HTR1F: variants seen among roughly 807,000 people sequenced by gnomAD.
The protein encoded by HTR1F is 5-hydroxytryptamine receptor 1F.
In HTR1F, 17 loss-of-function variants were observed where a neutral mutation model predicts 24.0. The ratio of observed to expected loss-of-function variants is 0.71; its 90% CI spans 0.48 to 1.06. HTR1F has a LOEUF of 1.06. HTR1F is among the 50% of genes least tolerant of loss of function. The pLI, the probability that HTR1F is intolerant of heterozygous loss-of-function variation, is 0.00. For synonymous variants in HTR1F, 186 were observed against 156.8 expected (o/e 1.19, Z -1.39); for missense variants, 391 against 427.8 (o/e 0.91, Z 0.76).
At chr3:87,988,346 T>A (rs1705723932) in intron 2 of HTR1F, among the ~76,000 whole-genome samples, 1 of 151,778 alleles carries the variant, frequency 6.6e-6, no homozygotes, top group African/African-American at 2.4e-5. Flanking sequence ...ACTTCTCAAA[T>A]ACACAATAGA....
chr3:87,811,097 G>A (rs1472394284), intron 1 of HTR1F, among the ~76,000 whole-genome samples: 1 of 152,050 alleles, frequency 6.6e-6, no homozygotes, highest in East Asian at 1.9e-4. Context: ...AGTTCAGAAA[G>A]GCTCTTTAAT....
chr3:87,859,369 C>A (rs1361312753), intron 2 of HTR1F, among the ~76,000 whole-genome samples: 1 of 152,108 alleles, frequency 6.6e-6, no homozygotes, highest in South Asian at 2.1e-4. Context: ...ACAAGAAGAC[C>A]AGCTGGTTTA....
intron 2 of HTR1F, among the ~76,000 whole-genome samples, chr3:87,979,992 G>C (rs1705507317): frequency 6.6e-6 from 1 of 152,202 alleles, no homozygotes; most frequent in Non-Finnish European, 1.5e-5. Context: ...GGTTCAGGGA[G>C]CCCTTACATC....
chr3:87,953,514 C>T (rs1026429364), intron 2 of HTR1F, among the ~76,000 whole-genome samples: 1 of 144,418 alleles, frequency 6.9e-6, no homozygotes, highest in African/African-American at 2.7e-5. Context: ...GTTAGAATGG[C>T]TATTACCAAA....
intron 2 of HTR1F, among the ~76,000 whole-genome samples, chr3:87,926,964 C>G (rs945867239): frequency 6.6e-6 from 1 of 152,068 alleles, no homozygotes; most frequent in African/African-American, 2.4e-5. Context: ...AGAATTCGGA[C>G]AGGTGACAAG....
intron 2 of HTR1F, among the ~76,000 whole-genome samples, chr3:87,848,356 T>A (rs1469682127): frequency 6.6e-6 from 1 of 151,776 alleles, no homozygotes; most frequent in Admixed American, 6.6e-5. Context: ...TTTTGCCCAT[T>A]TTTTAGTGGG....
At chr3:87,868,969 A>C (rs980343066) in intron 2 of HTR1F, among the ~76,000 whole-genome samples, 1 of 152,058 alleles carries the variant, frequency 6.6e-6, no homozygotes, top group Admixed American at 6.6e-5. Flanking sequence ...ACAATGTAAA[A>C]GAAAGAAAAA....
At chr3:87,829,934 C>CTA (rs950044160) in intron 2 of HTR1F, among the ~76,000 whole-genome samples, 23 of 152,128 alleles carry the variant, frequency 1.5e-4, no homozygotes, top group African/African-American at 5.1e-4. Flanking sequence ...TAAAAACTGA[C>CTA]TAATCACTTT....
chr3:87,804,583 C>T (rs1051045958), intron 1 of HTR1F, among the ~76,000 whole-genome samples: 1 of 151,844 alleles, frequency 6.6e-6, no homozygotes, highest in African/African-American at 2.4e-5. Context: ...ATTTGAATAT[C>T]AGTATTTTTC....
chr3:87,946,043 G>A (rs57063153), intron 2 of HTR1F, among the ~76,000 whole-genome samples: 61 of 152,114 alleles, frequency 4.0e-4, no homozygotes, highest in Non-Finnish European at 6.8e-4. Context: ...GAAGCCGTGG[G>A]TCACGGAAGA....
chr3:87,949,833 C>T (rs1021656994), intron 2 of HTR1F, among the ~76,000 whole-genome samples: 1 of 152,158 alleles, frequency 6.6e-6, no homozygotes, highest in African/African-American at 2.4e-5. Context: ...GTCACCTCAC[C>T]GTTCCCAGTT....
At chr3:87,793,788 A>C (rs1703856569) in intron 1 of HTR1F, among the ~76,000 whole-genome samples, 1 of 152,098 alleles carries the variant, frequency 6.6e-6, no homozygotes, top group Non-Finnish European at 1.5e-5. Flanking sequence ...TAAGGAGCAG[A>C]TTTTGTTTTT....
At chr3:87,943,079 G>A (rs1485555711) in intron 2 of HTR1F, among the ~76,000 whole-genome samples, 5 of 152,086 alleles carry the variant, frequency 3.3e-5, no homozygotes, top group East Asian at 3.9e-4. Flanking sequence ...CTCCTAGCAC[G>A]CAAGTTAGCA....
At chr3:87,805,259 T>G (rs1371199603) in intron 1 of HTR1F, among the ~76,000 whole-genome samples, 2 of 152,036 alleles carry the variant, frequency 1.3e-5, no homozygotes, top group Non-Finnish European at 2.9e-5. Flanking sequence ...TATTTGTTCC[T>G]CCTTAGTGAG....
rs144115586 is a variant in HTR1F at position 87,799,096 on chromosome 3, T to A, written c.-160+6254T>A. On this transcript the variant is annotated intron_variant, in intron 1 of 2. Transcript: ENST00000319595. ...AGATACAAATATTTGCAGATAATTT[T>A]AGACAATTAGCAGACTCATTTAAGT... Among the ~76,000 whole-genome samples, 458 of 152,308 alleles carry A rather than the reference T, an allele frequency of 3.0e-3. 2 individuals carry two copies. Among genetic ancestry groups the A allele is most frequent in the African/African-American group, 0.01 (424 of 41,566 alleles).
intron 2 of HTR1F, among the ~76,000 whole-genome samples, chr3:87,833,632 GC>G (rs1287031283): frequency 6.6e-6 from 1 of 152,026 alleles, no homozygotes; most frequent in Non-Finnish European, 1.5e-5. Context: ...CTCCCAAGTA[GC>G]TACCACACCT....
intron 2 of HTR1F, among the ~76,000 whole-genome samples, chr3:87,954,821 C>T (rs751105781): frequency 6.6e-6 from 1 of 151,522 alleles, no homozygotes; most frequent in Non-Finnish European, 1.5e-5. Context: ...TTATTTCTGA[C>T]ACAAACTTTT....
intron 1 of HTR1F, among the ~76,000 whole-genome samples, chr3:87,803,342 A>T (rs750158851): frequency 8.5e-5 from 13 of 152,160 alleles, no homozygotes; most frequent in Non-Finnish European, 1.8e-4. Context: ...GCTCAATTCT[A>T]TGCAAACTTC....
intron 2 of HTR1F, among the ~76,000 whole-genome samples, chr3:87,920,753 C>T (rs1047952025): frequency 6.6e-6 from 1 of 151,652 alleles, no homozygotes; most frequent in Non-Finnish European, 1.5e-5. Context: ...GGGAGAGGAA[C>T]TGAAAAAAGA....
Sources: gnomAD v4.1 joint callset for allele counts (sites outside exome capture counted in the v4.1 genomes callset) on GRCh38, gnomAD v4.1.1 for gene constraint, MANE v1.5 for transcripts, NCBI Gene and HGNC (gene_info 2026-07-23, HGNC 2026-07-21) for gene names.